MAP2K5: variants seen among roughly 807,000 people sequenced by gnomAD.
MAP2K5 encodes mitogen-activated protein kinase kinase 5.
Under a neutral mutation model 83.1 loss-of-function variants are expected in MAP2K5, and 49 were observed. The ratio of observed to expected loss-of-function variants is 0.59; its 90% CI spans 0.47 to 0.75. The LOEUF (loss-of-function observed/expected upper bound fraction) is 0.75, where lower values mean the gene tolerates loss of function less well. MAP2K5 is among the 30% of genes least tolerant of loss of function. MAP2K5 has a pLI of 0.00. For synonymous variants in MAP2K5, 202 were observed against 191.8 expected (o/e 1.05, Z -0.44); for missense variants, 457 against 557.5 (o/e 0.82, Z 1.82).
intron 8 of MAP2K5, among the ~76,000 whole-genome samples, chr15:67,612,472 G>A (rs1449884123): frequency 6.6e-6 from 1 of 152,178 alleles, no homozygotes; most frequent in East Asian, 1.9e-4. Flanking sequence ...CCAGAACATA[G>A]CTCCTCAACC....
At chr15:67,675,964 G>A (rs60924420) in intron 13 of MAP2K5, among the ~76,000 whole-genome samples, 26,042 of 152,122 alleles carry the variant, frequency 0.17, 2,880 homozygotes, top group African/African-American at 0.31. Context: ...AAATGGAAGA[G>A]GATAGTTATT....
Position 67,698,676 on chromosome 15 carries a change from G to C in MAP2K5, c.973-4661G>C, listed in dbSNP as rs1347245853. Among the ~76,000 whole-genome samples the C allele has an allele frequency of 2.6e-5, 4 of 152,196 alleles. No homozygotes were observed. Among genetic ancestry groups the C allele is most frequent in the Non-Finnish European group, 5.9e-5 (4 of 68,026 alleles). On this transcript the variant is annotated intron_variant, in intron 15 of 21. Transcript: ENST00000178640. This position sits in a 1 kb window ranked among gnomAD's most constrained non-coding sequence, Gnocchi z 4.5. ...TTACTCAAATACTTGGGATCAGAAA[G>C]TCAATCTAAATAACCATTCTTATCT...
intron 13 of MAP2K5, among the ~76,000 whole-genome samples, chr15:67,686,860 A>G (rs539995205): frequency 2.6e-5 from 4 of 152,244 alleles, no homozygotes; most frequent in Non-Finnish European, 5.9e-5. Flanking sequence ...TAGGAGGGAG[A>G]TGGTGAAAAC....
intron 20 of MAP2K5, among the ~76,000 whole-genome samples, chr15:67,772,402 G>C (rs553076405): frequency 6.6e-6 from 1 of 151,946 alleles, no homozygotes; most frequent in African/African-American, 2.4e-5. Context: ...TTTCACATTC[G>C]CTTCAAAAGT....
At chr15:67,688,950 T>C (rs2088028127) in intron 13 of MAP2K5, among the ~76,000 whole-genome samples, 1 of 152,218 alleles carries the variant, frequency 6.6e-6, no homozygotes, top group Non-Finnish European at 1.5e-5. Context: ...TAATGTATCA[T>C]TTAAAAAGCT....
rs755476231 is a variant in MAP2K5, at chr15:67,769,609, C to T, written c.1142C>T (p.Pro381Leu). The T allele has an allele frequency of 6.2e-7, 1 of 1,613,734 alleles. No homozygotes were observed. The highest frequency in any genetic ancestry group is 8.5e-7 in the Non-Finnish European group (1 of 1,179,750). The change falls in exon 20 of 22, where the codon CCC (proline) becomes CTC (leucine). Residue 381 changes from proline to leucine, a missense_variant. Pro to Leu is a moderately conservative substitution (Grantham distance 98, BLOSUM62 -3). Around this residue, in one of 3 missense-constraint regions of MAP2K5, gnomAD observed 168 missense variants for 263.0 expected, o/e 0.64. Transcript: ENST00000178640. This position sits in a 1 kb window ranked among gnomAD's most constrained non-coding sequence, Gnocchi z 5.2. ...LLQCIVDEDS[P>L]VLPVGEFSEP... is the part of the protein sequence containing the mutation. ...GTTTTTCCTCCATCACAGGATTCGC[C>T]CGTCCTTCCAGTTGGAGAGTTCTCG...
intron 15 of MAP2K5, among the ~76,000 whole-genome samples, chr15:67,696,201 G>A (rs928688694): frequency 2.0e-5 from 3 of 147,666 alleles, no homozygotes; most frequent in African/African-American, 7.6e-5. Flanking sequence ...AGTTCTACAT[G>A]AGCCCTATGC....
At position 67,760,752 on chromosome 15, in the gene MAP2K5, T is replaced by C. The variant is rs1301579207; in HGVS notation, c.1135-8850T>C. Among the ~76,000 whole-genome samples the C allele has an allele frequency of 6.6e-6, 1 of 152,164 alleles. No individual in the cohort carries two copies. The highest frequency in any genetic ancestry group is 1.5e-5 in the Non-Finnish European group (1 of 68,032). ...GGTCTGTGAATGGGCAGTTGCCTGGTGGGGCCAGTTTTGGCTGCTGTCATT... is the reference window on the plus strand; with the variant it reads ...GGTCTGTGAATGGGCAGTTGCCTGGCGGGGCCAGTTTTGGCTGCTGTCATT... On this transcript the variant is annotated intron_variant, in intron 19 of 21. Transcript: ENST00000178640. The surrounding 1 kb of genome is among the most constrained non-coding windows in gnomAD (Gnocchi z 4.1).
intron 16 of MAP2K5, among the ~76,000 whole-genome samples, chr15:67,703,729 T>C (rs1274439780): frequency 6.6e-6 from 1 of 152,148 alleles, no homozygotes; most frequent in East Asian, 1.9e-4. Context: ...GTTCCCTGGG[T>C]GATTCTTATA....
chr15:67,686,639 TAATA>T (rs2141193118), intron 13 of MAP2K5, among the ~76,000 whole-genome samples: 1 of 100,176 alleles, frequency 1.0e-5, no homozygotes, highest in African/African-American at 3.6e-5. Context: ...ATAATAATAA[TAATA>T]ACATGTTGTA....
At chr15:67,662,015 G>C (rs185520795) in intron 12 of MAP2K5, among the ~76,000 whole-genome samples, 50 of 151,996 alleles carry the variant, frequency 3.3e-4, no homozygotes, top group African/African-American at 1.1e-3. Flanking sequence ...TTGTCTTCCT[G>C]TCCAGAATAC....
At chr15:67,715,249 A>T (rs1284374878) in intron 16 of MAP2K5, among the ~76,000 whole-genome samples, 5 of 151,708 alleles carry the variant, frequency 3.3e-5, no homozygotes, top group Admixed American at 1.3e-4. Flanking sequence ...GGGGGGGTCT[A>T]AAATTGTGTG....
intron 3 of MAP2K5, among the ~76,000 whole-genome samples, chr15:67,574,468 A>G (rs918754719): frequency 2.0e-5 from 3 of 152,000 alleles, no homozygotes; most frequent in Non-Finnish European, 2.9e-5. Context: ...GCTACTCGGG[A>G]GGCTGAGGCA....
intron 4 of MAP2K5, among the ~76,000 whole-genome samples, chr15:67,582,683 G>A (rs866963861): frequency 3.9e-5 from 6 of 151,996 alleles, no homozygotes; most frequent in Non-Finnish European, 7.4e-5. Context: ...TTAGCCGGGC[G>A]TGGTGCACAC....
At chr15:67,666,072 A>G (rs559381393) in intron 13 of MAP2K5, among the ~76,000 whole-genome samples, 149 of 152,314 alleles carry the variant, frequency 9.8e-4, no homozygotes, top group Non-Finnish European at 1.1e-3. Context: ...CAAAAGAACT[A>G]AAGGAAAAAC....
chr15:67,805,367 C>G (rs1391350989), intron 21 of MAP2K5, among the ~76,000 whole-genome samples: 2 of 152,250 alleles, frequency 1.3e-5, no homozygotes, highest in Non-Finnish European at 2.9e-5. Flanking sequence ...CCGTCCCCTG[C>G]TCTACCCAGG....
chr15:67,571,256 G>C (rs2084941951), intron 3 of MAP2K5, among the ~76,000 whole-genome samples: 1 of 152,122 alleles, frequency 6.6e-6, no homozygotes, highest in African/African-American at 2.4e-5. Context: ...CCAGCTTCAA[G>C]GATCTCCTAA....
chr15:67,592,847 G>C, intron 6 of MAP2K5, 79 bp from the exon 7 acceptor site: 1 of 933,262 alleles, frequency 1.1e-6, no homozygotes, highest in Admixed American at 1.9e-5. Flanking sequence ...AAAAGCAAAG[G>C]TGTATTTCAG....
intron 15 of MAP2K5, among the ~76,000 whole-genome samples, chr15:67,700,190 C>T (rs1287045417): frequency 6.6e-6 from 1 of 152,160 alleles, no homozygotes; most frequent in African/African-American, 2.4e-5. Context: ...AATGTGGATT[C>T]TTGTCAAGGC....
Sources: allele counts gnomAD v4.1 joint callset (sites outside exome capture counted in the v4.1 genomes callset), GRCh38; gene constraint gnomAD v4.1.1; regional missense constraint gnomAD v4.1.1; non-coding constraint Gnocchi (gnomAD v3.1); transcripts MANE v1.5; gene names NCBI Gene and HGNC (gene_info 2026-07-23, HGNC 2026-07-21).